Variants in PRICKLE2 observed in about 807,000 individuals in gnomAD.
The protein encoded by PRICKLE2 is prickle planar cell polarity protein 2.
In PRICKLE2, 21 loss-of-function variants were observed where a neutral mutation model predicts 81.4. That is an observed-to-expected ratio of 0.26 (90% confidence interval 0.18 to 0.37). The LOEUF (loss-of-function observed/expected upper bound fraction) is 0.37, where lower values mean the gene tolerates loss of function less well. PRICKLE2 is among the 10% of genes least tolerant of loss of function. PRICKLE2 has a pLI of 1.00. For missense variants in PRICKLE2, 940 were observed against 1,109.0 expected, an observed-to-expected ratio of 0.85 and a Z score of 2.16; for synonymous variants, 456 against 421.5, an observed-to-expected ratio of 1.08 and a Z score of -1.00.
intron 2 of PRICKLE2, among the ~76,000 whole-genome samples, chr3:64,234,607 G>T (rs899422792): frequency 5.3e-5 from 8 of 151,870 alleles, no homozygotes; most frequent in Non-Finnish European, 8.8e-5. Flanking sequence ...CATCATGTGG[G>T]GTATATCCTT....
intron 7 of PRICKLE2, among the ~76,000 whole-genome samples, chr3:64,106,337 C>T (rs910785744): frequency 3.9e-5 from 6 of 152,186 alleles, no homozygotes; most frequent in Non-Finnish European, 8.8e-5. Context: ...GCCTGTTTTT[C>T]TAAATAAAGT....
chr3:64,204,802 AC>A (rs1395459983), intron 1 of PRICKLE2, among the ~76,000 whole-genome samples: 1 of 152,018 alleles, frequency 6.6e-6, no homozygotes, highest in East Asian at 1.9e-4. Context: ...TTCCATGACA[AC>A]CTTTGGTAAT....
intron 7 of PRICKLE2, among the ~76,000 whole-genome samples, chr3:64,107,533 G>A (rs887577040): frequency 6.6e-6 from 1 of 152,148 alleles, no homozygotes; most frequent in African/African-American, 2.4e-5. Flanking sequence ...ACAGAGAGCT[G>A]TGTTTCTGCC....
chr3:64,151,575 G>T (rs912988517), intron 6 of PRICKLE2, among the ~76,000 whole-genome samples: 9 of 152,162 alleles, frequency 5.9e-5, no homozygotes, highest in Non-Finnish European at 1.5e-5. Context: ...CAGAAATATG[G>T]ATGGGAAGGG....
chr3:64,171,155 G>A lies in PRICKLE2; in HGVS notation c.145-8026C>T, dbSNP rs961962477. ...TTATTCCCCCAGATATTTACATGGT[G>A]TCATCCTCCTTTCTTCCAGTCTTTG... On this transcript the variant is annotated intron_variant, in intron 2 of 7. Coordinates refer to ENST00000638394, the MANE Select transcript of PRICKLE2 (RefSeq NM_198859.4). Among the ~76,000 whole-genome samples, 3 of 152,228 alleles carry A rather than the reference G, an allele frequency of 2.0e-5. No individual in the cohort carries two copies. The East Asian group carries it at 5.8e-4, about 29-fold the overall frequency.
intron 7 of PRICKLE2, among the ~76,000 whole-genome samples, chr3:64,119,032 A>G (rs554503537): frequency 3.4e-4 from 51 of 152,234 alleles, no homozygotes; most frequent in Non-Finnish European, 6.2e-4. Context: ...ATAGAATACT[A>G]TGCAGCCATA....
intron 2 of PRICKLE2, among the ~76,000 whole-genome samples, chr3:64,234,257 C>G (rs912711074): frequency 1.3e-5 from 2 of 152,046 alleles, no homozygotes; most frequent in Non-Finnish European, 2.9e-5. Flanking sequence ...TTTCAAAGTG[C>G]TCCTCCAGTT....
At chr3:64,245,711 T>A (rs1226689769) in intron 2 of PRICKLE2, among the ~76,000 whole-genome samples, 1 of 152,302 alleles carries the variant, frequency 6.6e-6, no homozygotes, top group East Asian at 1.9e-4. Context: ...GAGAAAGTTT[T>A]AAATCCAACG....
intron 1 of PRICKLE2, among the ~76,000 whole-genome samples, chr3:64,210,000 G>A (rs994688434): frequency 6.6e-6 from 1 of 152,122 alleles, no homozygotes; most frequent in African/African-American, 2.4e-5. Context: ...GTGGGGAAGA[G>A]CACTGTGTGA....
chr3:64,099,061 A>G lies in PRICKLE2; in HGVS notation c.2525T>C (p.Ile842Thr). ...SRKRQKSKNC[I>T]IS is the part of the protein sequence containing the mutation. ...CTGATCCCAATCATATTAAGAAATG[A>G]TACAGTTTTTGCTCTTCTGTCTTTT... The change falls in exon 8 of 8, where the codon ATC (isoleucine) becomes ACC (threonine). Residue 842 changes from isoleucine (I) to threonine (T), a missense_variant. Around this residue, in one of 2 missense-constraint regions of PRICKLE2, gnomAD observed 670 missense variants for 717.2 expected, o/e 0.93. Transcript: ENST00000638394. This position sits in a 1 kb window ranked among gnomAD's most constrained non-coding sequence, Gnocchi z 4.3. 6.2e-7 allele frequency: 1 copy of G among 1,614,184 alleles called. No homozygotes were observed. Among genetic ancestry groups the G allele is most frequent in the Non-Finnish European group, 8.5e-7 (1 of 1,180,030 alleles).
rs1015668914 is a variant in PRICKLE2, at chr3:64,159,793, A to T, written c.396+147T>A. 63 of 1,005,080 alleles carry T rather than the reference A, an allele frequency of 6.3e-5. 1 individual carries two copies. The highest frequency in any genetic ancestry group is 3.6e-4 in the South Asian group (27 of 75,650). The allele number at this position is 1,005,080 out of a possible 1,614,324, so 62.3% of individuals were successfully genotyped here. On this transcript the variant is annotated intron_variant, in intron 4 of 7. Coordinates refer to ENST00000638394, the MANE Select transcript of PRICKLE2 (RefSeq NM_198859.4). ...TTCCTCCCCTAGAATCCAACTCCTT[A>T]GAAGGGCAAGATGAAACTTTCCCGT... is the stretch of plus-strand genomic sequence containing the variant.
At chr3:64,188,132 A>C (rs568616180) in intron 2 of PRICKLE2, among the ~76,000 whole-genome samples, 1 of 152,364 alleles carries the variant, frequency 6.6e-6, no homozygotes, top group Admixed American at 6.5e-5. Context: ...TTGGAGATTC[A>C]AATAATGATT....
intron 2 of PRICKLE2, among the ~76,000 whole-genome samples, chr3:64,259,663 A>C (rs1487469422): frequency 6.6e-6 from 1 of 152,110 alleles, no homozygotes; most frequent in African/African-American, 2.4e-5. Flanking sequence ...TAGATTATAC[A>C]AGTGGGCTCT....
intron 7 of PRICKLE2, among the ~76,000 whole-genome samples, chr3:64,129,698 C>T (rs1167806798): frequency 6.6e-6 from 1 of 152,032 alleles, no homozygotes; most frequent in Non-Finnish European, 1.5e-5. Flanking sequence ...CTGGCAGCTA[C>T]TGAGGTTGTT....
chr3:64,230,513 C>T (rs1473883012), intron 2 of PRICKLE2, among the ~76,000 whole-genome samples: 2 of 152,138 alleles, frequency 1.3e-5, no homozygotes, highest in African/African-American at 4.8e-5. Context: ...GAAGCTTCTA[C>T]AATGTAGGTA....
intron 2 of PRICKLE2, among the ~76,000 whole-genome samples, chr3:64,251,948 T>C (rs2079452223): frequency 6.6e-6 from 1 of 152,200 alleles, no homozygotes; most frequent in Non-Finnish European, 1.5e-5. Context: ...AATGCCCTGA[T>C]GCACCACCTA....
chr3:64,147,721 TTGGAGAGGC>T lies in PRICKLE2; in HGVS notation c.788-28_788-20del, dbSNP rs765150078. The T allele has an allele frequency of 6.8e-6, 11 of 1,613,062 alleles. No individual in the cohort carries two copies. The highest frequency in any genetic ancestry group is 1.6e-4 in the Middle Eastern group (1 of 6,084). On this transcript the variant is annotated intron_variant, in intron 6 of 7. Transcript: ENST00000638394. The surrounding 1 kb of genome is among the most constrained non-coding windows in gnomAD (Gnocchi z 5.0). The stretch of plus-strand genomic sequence containing the variant: ...TCGATACCTAAAAAAATGAGAGACA[TTGGAGAGGC>T]TGATGAGCTGCTCAGAGCTCTGCAC...
chr3:64,265,364 TA>T (rs1002256702), intron 2 of PRICKLE2, among the ~76,000 whole-genome samples: 1 of 152,018 alleles, frequency 6.6e-6, no homozygotes, highest in Non-Finnish European at 1.5e-5. Flanking sequence ...TTTTAGTAGC[TA>T]AAAAAAATCA....
At chr3:64,225,522 T>A (rs148157105), upstream of PRICKLE2, 3 of 873,616 alleles carry the variant, frequency 3.4e-6, no homozygotes, top group East Asian at 2.4e-4. Context: ...AGTCACGGCA[T>A]CTGGACGTCC....
Sources: gnomAD v4.1 joint callset for allele counts (sites outside exome capture counted in the v4.1 genomes callset) on GRCh38, gnomAD v4.1.1 for gene constraint, gnomAD v4.1.1 regional missense constraint, Gnocchi (gnomAD v3.1) non-coding constraint, MANE v1.5 for transcripts, NCBI Gene and HGNC (gene_info 2026-07-23, HGNC 2026-07-21) for gene names.